The following CALN1 variants were observed in gnomAD, a reference collection of about 807,000 sequenced individuals.
CALN1 encodes the protein calneuron 1, also known as calcium-binding protein 8.
CALN1 carries 17 observed loss-of-function variants against 30.6 expected under a neutral mutation model. The ratio of observed to expected loss-of-function variants is 0.56; its 90% CI spans 0.38 to 0.83. The LOEUF (loss-of-function observed/expected upper bound fraction) is 0.83. Among genes scored for constraint, CALN1 ranks in the 40% least tolerant of loss-of-function variants. The pLI, the probability that CALN1 is intolerant of heterozygous loss-of-function variation, is 0.00. For synonymous variants in CALN1, 156 were observed against 131.4 expected (o/e 1.19, Z -1.28); for missense variants, 291 against 354.9 (o/e 0.82, Z 1.45).
chr7:72,396,399 G>C (rs1805956653), intron 2 of CALN1, among the ~76,000 whole-genome samples: 1 of 147,274 alleles, frequency 6.8e-6, no homozygotes, highest in Non-Finnish European at 1.5e-5. Context: ...CTCCAGCTTG[G>C]GTGACAAAAG....
chr7:72,477,977 G>A, the CALN1 span, among the ~76,000 whole-genome samples: 1 of 151,994 alleles, frequency 6.6e-6, no homozygotes. Flanking sequence ...ACCCATTATT[G>A]ACTAAGCTGC....
rs185047321 is a variant in CALN1, at chr7:71,940,041, T to A, written c.501+83616A>T. 3.5e-4 allele frequency among the ~76,000 whole-genome samples: 53 copies of A among 152,246 alleles called. No individual in the cohort carries two copies. In the East Asian group the frequency reaches 9.3e-3, roughly 27 times the overall value. On this transcript the variant is annotated intron_variant, in intron 5 of 6. Transcript: ENST00000395275. Reference sequence around the variant, plus strand: ...AACTGTGTCCCCTCCTAAACCTTTGTTATTGTTGTTGTTTTGCAGTTTTCC... The same window carrying A: ...AACTGTGTCCCCTCCTAAACCTTTGATATTGTTGTTGTTTTGCAGTTTTCC...
intron 5 of CALN1, among the ~76,000 whole-genome samples, chr7:71,901,891 A>G (rs2116946009): frequency 6.6e-6 from 1 of 152,324 alleles, no homozygotes; most frequent in East Asian, 1.9e-4. Context: ...CAAATGCAAC[A>G]AAAACAAAAA....
intron 3 of CALN1, among the ~76,000 whole-genome samples, chr7:72,230,548 C>G (rs1402769988): frequency 1.3e-5 from 2 of 150,898 alleles, no homozygotes; most frequent in Non-Finnish European, 2.9e-5. Flanking sequence ...GTAGGAGAGT[C>G]AGAGAGAGAG....
At chr7:72,211,295 T>C (rs952418992) in intron 3 of CALN1, among the ~76,000 whole-genome samples, 1 of 152,118 alleles carries the variant, frequency 6.6e-6, no homozygotes, top group Admixed American at 6.6e-5. Context: ...CATTACTCTG[T>C]TGCACACACC....
At chr7:72,142,949 G>A (rs1810063993) in intron 3 of CALN1, among the ~76,000 whole-genome samples, 1 of 152,102 alleles carries the variant, frequency 6.6e-6, no homozygotes, top group Non-Finnish European at 1.5e-5. Context: ...AAACAGAAAG[G>A]ACATCCACAC....
chr7:72,052,642 G>C (rs1335122522), intron 4 of CALN1, among the ~76,000 whole-genome samples: 1 of 152,314 alleles, frequency 6.6e-6, no homozygotes, highest in Middle Eastern at 3.4e-3. Context: ...CCCCTAACCT[G>C]TTGGTGTGCC....
chr7:72,320,005 C>T (rs1800761102), intron 2 of CALN1, among the ~76,000 whole-genome samples: 1 of 152,006 alleles, frequency 6.6e-6, no homozygotes, highest in Non-Finnish European at 1.5e-5. Flanking sequence ...AATACAAAAA[C>T]AAATTAGCCA....
At chr7:72,395,507 T>G (rs1361122293) in intron 2 of CALN1, among the ~76,000 whole-genome samples, 1 of 152,222 alleles carries the variant, frequency 6.6e-6, no homozygotes. Flanking sequence ...AGATACAGTA[T>G]GGAGTATCAT....
At chr7:72,494,493 T>A in the CALN1 span, among the ~76,000 whole-genome samples, 57 of 152,310 alleles carry the variant, frequency 3.7e-4, no homozygotes, top group Middle Eastern at 3.4e-3. Flanking sequence ...TTAGAGAAGT[T>A]CTTTTTGACG....
chr7:72,437,647 C>CTCTT (rs1457581257), intron 1 of CALN1, among the ~76,000 whole-genome samples: 1 of 151,036 alleles, frequency 6.6e-6, no homozygotes, highest in African/African-American at 2.4e-5. Flanking sequence ...TTCTCTTTCT[C>CTCTT]TCTTTCTTTC....
intron 5 of CALN1, among the ~76,000 whole-genome samples, chr7:71,895,702 C>T (rs758832155): frequency 6.6e-6 from 1 of 152,006 alleles, no homozygotes; most frequent in Non-Finnish European, 1.5e-5. Context: ...CAAAAATGAC[C>T]GTTTAAGGAA....
At chr7:72,318,312 T>C (rs1298473539) in intron 2 of CALN1, among the ~76,000 whole-genome samples, 1 of 130,584 alleles carries the variant, frequency 7.7e-6, no homozygotes, top group Non-Finnish European at 1.9e-5. Flanking sequence ...TGACGCACTT[T>C]CATTCTTCTC....
At chr7:71,890,516 A>C (rs974333534) in intron 5 of CALN1, among the ~76,000 whole-genome samples, 1 of 152,196 alleles carries the variant, frequency 6.6e-6, no homozygotes, top group African/African-American at 2.4e-5. Context: ...ATACTTTGTT[A>C]AAGTCTTTAA....
intron 3 of CALN1, among the ~76,000 whole-genome samples, chr7:72,149,332 G>A (rs955129669): frequency 9.2e-5 from 14 of 152,080 alleles, no homozygotes; most frequent in African/African-American, 3.1e-4. Flanking sequence ...GCTGGGCGTG[G>A]TGGCAGTCGC....
Position 71,833,577 on chromosome 7 carries a change from GAAAAAAAAA to G in CALN1, c.502-23094_502-23086del, listed in dbSNP as rs66818847. ...AAAATACAGGATATAACATGGTAAA[GAAAAAAAAA>G]AAAAAGACCAAATAGAGGATGAAGA... On this transcript the variant is annotated intron_variant, in intron 5 of 6. Coordinates refer to ENST00000395275, the MANE Select transcript of CALN1 (RefSeq NM_031468.4). Among the ~76,000 whole-genome samples the G allele has an allele frequency of 6.6e-5, 8 of 121,154 alleles. No homozygotes were observed. In the East Asian group the frequency reaches 2.0e-3, roughly 30 times the overall value. The allele number at this position is 121,154 out of a possible 152,430, so 79.5% of individuals were successfully genotyped here.
intron 2 of CALN1, among the ~76,000 whole-genome samples, chr7:72,387,639 G>C (rs1054940102): frequency 6.6e-6 from 1 of 152,172 alleles, no homozygotes; most frequent in Non-Finnish European, 1.5e-5. Context: ...AAAACCGTCA[G>C]ATGAATCCCA....
At chr7:72,008,847 G>A (rs1799921912) in intron 5 of CALN1, among the ~76,000 whole-genome samples, 1 of 151,710 alleles carries the variant, frequency 6.6e-6, no homozygotes, top group East Asian at 1.9e-4. Context: ...GTGGAGACGG[G>A]GTTTCACCAT....
chr7:71,982,808 T>G (rs1039026726), intron 5 of CALN1, among the ~76,000 whole-genome samples: 3 of 152,084 alleles, frequency 2.0e-5, no homozygotes, highest in Non-Finnish European at 2.9e-5. Flanking sequence ...CCTGTAAAAC[T>G]GAGCTGCAGA....
Sources: gnomAD v4.1 joint callset for allele counts (sites outside exome capture counted in the v4.1 genomes callset) on GRCh38, gnomAD v4.1.1 for gene constraint, MANE v1.5 for transcripts, NCBI Gene and HGNC (gene_info 2026-07-23, HGNC 2026-07-21) for gene names.